Variants in MYOF observed in about 807,000 individuals in gnomAD.
MYOF encodes fer-1-like 3, myoferlin.
MYOF carries 244 observed loss-of-function variants against 284.2 expected under a neutral mutation model. That is an observed-to-expected ratio of 0.86 (90% CI 0.77 to 0.95). MYOF has a LOEUF of 0.95. Among genes scored for constraint, MYOF ranks in the 40% least tolerant of loss-of-function variants. The probability of loss-of-function intolerance (pLI) is 0.00; values close to 1 mark genes in which losing one functional copy is unlikely to be tolerated. For missense variants in MYOF, 2,496 were observed against 2,560.6 expected, an observed-to-expected ratio of 0.97 and a Z score of 0.54; for synonymous variants, 904 against 919.7, an observed-to-expected ratio of 0.98 and a Z score of 0.31.
intron 5 of MYOF, among the ~76,000 whole-genome samples, chr10:93,421,763 C>T (rs982182930): frequency 6.6e-6 from 1 of 152,170 alleles, no homozygotes; most frequent in Admixed American, 6.5e-5. Flanking sequence ...GAGGCTGGCA[C>T]CATGCTTCTT....
chr10:93,352,276 G>A (rs989816834), intron 32 of MYOF, among the ~76,000 whole-genome samples: 3 of 152,170 alleles, frequency 2.0e-5, no homozygotes, highest in Non-Finnish European at 4.4e-5. Flanking sequence ...TCTGCTTCAC[G>A]GTGTTGAGAG....
At position 93,441,752 on chromosome 10, in the gene MYOF, C is replaced by T. The variant is rs183850839; in HGVS notation, c.237-10236G>A. Among the ~76,000 whole-genome samples the T allele has an allele frequency of 1.6e-4, 25 of 151,658 alleles. No homozygotes were observed. The East Asian group carries it at 3.7e-3, about 22-fold the overall frequency. On this transcript the variant is annotated intron_variant, in intron 3 of 53. Coordinates refer to ENST00000359263, the MANE Select transcript of MYOF (RefSeq NM_013451.4). ...CTAATATTTGTATTTTTAGTAGAGA[C>T]GGGGGTTTGCCCATGTTGGCCAGGC...
intron 19 of MYOF, among the ~76,000 whole-genome samples, chr10:93,383,190 C>T (rs994195026): frequency 6.6e-6 from 1 of 152,192 alleles, no homozygotes; most frequent in Admixed American, 6.5e-5. Flanking sequence ...AGCCACCGTG[C>T]CTGGCTGGAA....
rs1050943072 is a variant in MYOF at position 93,480,164 on chromosome 10, A to T, written c.88+1943T>A. The stretch of plus-strand genomic sequence containing the variant: ...TGTAACTGCTTCAAGAAAACAAAAA[A>T]TTAATAAAACCTAACACATGTAAAT... On this transcript the variant is annotated intron_variant, in intron 1 of 53. Transcript: ENST00000359263. 3.3e-5 allele frequency among the ~76,000 whole-genome samples: 5 copies of T among 152,298 alleles called. 1 individual carries two copies. The highest frequency in any genetic ancestry group is 2.9e-5 in the Non-Finnish European group (2 of 68,038).
At chr10:93,328,653 CAT>C in intron 45 of MYOF, 108 bp downstream of exon 45, 1 of 1,155,472 alleles carries the variant, frequency 8.7e-7, no homozygotes, top group Non-Finnish European at 1.2e-6. Flanking sequence ...TGCACAGTCT[CAT>C]GTGGTATAAT....
Position 93,482,255 on chromosome 10 carries a change from T to G in MYOF, c.-61A>C, listed in dbSNP as rs2134427884. The G allele has an allele frequency of 7.1e-7, 1 of 1,408,674 alleles. No homozygotes were observed. Among genetic ancestry groups the G allele is most frequent in the Non-Finnish European group, 1.0e-6 (1 of 1,002,476 alleles). The allele number at this position is 1,408,674 out of a possible 1,614,324, so 87.3% of individuals were successfully genotyped here. A position where few individuals can be genotyped will look rare whatever the true frequency, so the allele number is the denominator to read the frequency against. On this transcript the variant is annotated 5_prime_UTR_variant, in exon 1 of 54. Transcript: ENST00000359263. ...GAAGTGGAGACTAGGGCGCTGGAGC[T>G]CCGGGTCGCACCGCCCTGGGAGAGA...
At chr10:93,333,947 C>A in intron 41 of MYOF, 34 bp from the exon 42 acceptor site, 4 of 1,601,756 alleles carry the variant, frequency 2.5e-6, no homozygotes, top group Non-Finnish European at 3.4e-6. Flanking sequence ...TCACAGGGCC[C>A]TGGGTGGCCC....
In MYOF at chr10:93,356,703, G is replaced by C; in HGVS notation, c.3266C>G (p.Ala1089Gly). The stretch of plus-strand genomic sequence containing the variant: ...GGCACCTTCAAGTTTAAAGATGGCA[G>C]CTGCACCATGTGTTTCTGAAGGAGC... ...KMAPSETHGAAAIFKLEGALG... is the reference protein window; with the variant it reads ...KMAPSETHGAGAIFKLEGALG... Residue 1089 changes from alanine to glycine, a missense_variant, in exon 30 of 54, where the codon GCT becomes GGT. Physicochemically the swap from Ala to Gly is moderately conservative, Grantham distance 60 (BLOSUM62 0). Coordinates refer to ENST00000359263, the MANE Select transcript of MYOF (RefSeq NM_013451.4). 1 of 1,614,046 alleles carries C rather than the reference G, an allele frequency of 6.2e-7. No individual in the cohort carries two copies. The highest frequency in any genetic ancestry group is 1.3e-5 in the African/African-American group (1 of 75,030).
intron 49 of MYOF, 53 bp from the exon 50 acceptor site, chr10:93,316,866 TC>T: frequency 6.9e-7 from 1 of 1,458,154 alleles, no homozygotes; most frequent in African/African-American, 1.4e-5. Flanking sequence ...CACCTTTGGC[TC>T]CTTAAGACAG....
At position 93,306,795 on chromosome 10, in the gene MYOF, G is replaced by T; in HGVS notation, c.*168C>A. The T allele has an allele frequency of 1.5e-6, 1 of 672,406 alleles. No homozygotes were observed. Among genetic ancestry groups the T allele is most frequent in the Non-Finnish European group, 2.6e-6 (1 of 381,220 alleles). The allele number at this position is 672,406 out of a possible 1,614,324, so 41.7% of individuals were successfully genotyped here. ...AACATGATGCAAACGTTGCTTGTTG[G>T]CCTGACTTTCCAGGACTAAGACCCT... On this transcript the variant is annotated 3_prime_UTR_variant, in exon 54 of 54. Transcript: ENST00000359263.
At position 93,469,149 on chromosome 10, in the gene MYOF, C is replaced by T. The variant is rs558638812; in HGVS notation, c.89-12212G>A. Among the ~76,000 whole-genome samples the T allele has an allele frequency of 1.2e-4, 18 of 152,276 alleles. No homozygotes were observed. In the East Asian group the frequency reaches 3.5e-3, roughly 29 times the overall value. ...GTATGGTGGCTCACGCCCATAATCC[C>T]AGCATTTTGGGAGGCCGAGGTGGGT... On this transcript the variant is annotated intron_variant, in intron 1 of 53. Coordinates refer to ENST00000359263, the MANE Select transcript of MYOF (RefSeq NM_013451.4).
intron 1 of MYOF, among the ~76,000 whole-genome samples, chr10:93,473,366 C>A (rs192419260): frequency 1.3e-5 from 2 of 152,186 alleles, no homozygotes; most frequent in African/African-American, 4.8e-5. Flanking sequence ...AACATCTGAC[C>A]AAAACCAAGG....
At chr10:93,326,024 T>C in intron 45 of MYOF, 59 bp from the exon 46 acceptor site, 1 of 1,603,340 alleles carries the variant, frequency 6.2e-7, no homozygotes, top group South Asian at 1.1e-5. Context: ...TCAGCCAGAT[T>C]GCCTAGAGCT....
chr10:93,329,546 C>CCCAA, intron 44 of MYOF, 118 bp downstream of exon 44: 4 of 1,028,776 alleles, frequency 3.9e-6, no homozygotes, highest in Non-Finnish European at 5.7e-6. Flanking sequence ...GAAATCCATA[C>CCCAA]CTGAGTGATA....
At chr10:93,442,464 A>T (rs999996290) in intron 3 of MYOF, among the ~76,000 whole-genome samples, 3 of 152,238 alleles carry the variant, frequency 2.0e-5, no homozygotes, top group Non-Finnish European at 2.9e-5. Context: ...AGTTCTGTCT[A>T]ATCTCATGAT....
chr10:93,404,096 A>G, intron 8 of MYOF, 23 bp from the exon 9 acceptor site: 1 of 1,614,158 alleles, frequency 6.2e-7, no homozygotes, highest in Non-Finnish European at 8.5e-7. Flanking sequence ...AGAGTAGTGA[A>G]GAAATGATTG....
rs78692924 is a variant in MYOF at position 93,314,851 on chromosome 10, C to A, written c.5699-1641G>T. On this transcript the variant is annotated intron_variant, in intron 50 of 53. Transcript: ENST00000359263. Reference sequence around the variant, plus strand: ...ATTACTTGAGCTCAGGAATTTGAGACCAGCTTGGGCAACATGGCAAAACCC... The same window carrying A: ...ATTACTTGAGCTCAGGAATTTGAGAACAGCTTGGGCAACATGGCAAAACCC... 6.0e-4 allele frequency among the ~76,000 whole-genome samples: 91 copies of A among 151,718 alleles called. No individual in the cohort carries two copies. In the East Asian group the frequency reaches 0.016, roughly 27 times the overall value.
chr10:93,396,343 C>T, intron 15 of MYOF, 119 bp from the exon 16 acceptor site: 1 of 670,174 alleles, frequency 1.5e-6, no homozygotes, highest in East Asian at 2.9e-5. Context: ...CCCCAGACTT[C>T]AGAAATAATC....
At chr10:93,403,448 A>C (rs1319841033) in intron 9 of MYOF, among the ~76,000 whole-genome samples, 1 of 152,218 alleles carries the variant, frequency 6.6e-6, no homozygotes, top group Non-Finnish European at 1.5e-5. Context: ...ACATGTGGCT[A>C]CTTGGTGGCA....
Sources: allele counts gnomAD v4.1 joint callset (sites outside exome capture counted in the v4.1 genomes callset), GRCh38; gene constraint gnomAD v4.1.1; transcripts MANE v1.5; gene names NCBI Gene and HGNC (gene_info 2026-07-23, HGNC 2026-07-21).